The following SORCS2 variants were observed in gnomAD, a reference collection of about 807,000 sequenced individuals.
SORCS2 encodes sortilin related VPS10 domain containing receptor 2, also known as VPS10 domain-containing receptor SorCS2.
Under a neutral mutation model 141.6 loss-of-function variants are expected in SORCS2, and 100 were observed. The ratio of observed to expected loss-of-function variants is 0.71; its 90% CI spans 0.60 to 0.83. The LOEUF (loss-of-function observed/expected upper bound fraction) is 0.83, where lower values mean the gene tolerates loss of function less well. Ranked by LOEUF, SORCS2 falls within the 40% of genes least tolerant of loss-of-function variation. The pLI is 0.00. For synonymous variants in SORCS2, 789 were observed against 676.9 expected (o/e 1.17, Z -2.57); for missense variants, 1,646 against 1,560.2 (o/e 1.05, Z -0.93).
intron 2 of SORCS2, among the ~76,000 whole-genome samples, chr4:7,403,998 T>TATATATATATATATATATATATA (rs59841056): frequency 1.6e-4 from 2 of 12,372 alleles, no homozygotes; most frequent in Non-Finnish European, 3.3e-4. Flanking sequence ...TATATATATA[T>TATATATATATATATATATATATA]TTTTTTTTTT....
chr4:7,533,347 T>C (rs1329188191), intron 3 of SORCS2, among the ~76,000 whole-genome samples: 4 of 152,092 alleles, frequency 2.6e-5, no homozygotes, highest in Non-Finnish European at 5.9e-5. Context: ...TGATTCAAAT[T>C]TGAGACAAAG....
intron 8 of SORCS2, among the ~76,000 whole-genome samples, chr4:7,673,963 A>T (rs761436466): frequency 1.3e-5 from 2 of 152,204 alleles, no homozygotes; most frequent in Non-Finnish European, 2.9e-5. Context: ...CAGCAGAATG[A>T]CCAACGCCCG....
chr4:7,682,636 A>G (rs1489786103), intron 9 of SORCS2, 107 bp from the exon 10 acceptor site: 1 of 1,092,494 alleles, frequency 9.2e-7, no homozygotes, highest in African/African-American at 1.6e-5. Context: ...CTGTGAAATG[A>G]GGCCACATGT....
rs151068861 is a variant in SORCS2, at chr4:7,214,017, C to T, written c.480+20891C>T. Among the ~76,000 whole-genome samples, 85 of 152,282 alleles carry T rather than the reference C, an allele frequency of 5.6e-4. 2 individuals carry two copies. In the East Asian group the frequency reaches 0.015, roughly 27 times the overall value. Reference sequence around the variant, plus strand: ...GGGAGTGTTTGTTTTTGTGCCTTTGCCTCCAGCCTCCAGGTCTGGGGTGTC... The same window carrying T: ...GGGAGTGTTTGTTTTTGTGCCTTTGTCTCCAGCCTCCAGGTCTGGGGTGTC... On this transcript the variant is annotated intron_variant, in intron 1 of 26. Transcript: ENST00000507866.
At chr4:7,486,506 C>T (rs1439569605) in intron 2 of SORCS2, among the ~76,000 whole-genome samples, 1 of 152,150 alleles carries the variant, frequency 6.6e-6, no homozygotes, top group Non-Finnish European at 1.5e-5. Flanking sequence ...CCTGCGGGAC[C>T]CGAGGCTGAG....
At chr4:7,543,747 T>C (rs1316364586) in intron 3 of SORCS2, among the ~76,000 whole-genome samples, 3 of 65,996 alleles carry the variant, frequency 4.5e-5, no homozygotes, top group African/African-American at 5.9e-5. Flanking sequence ...CATCCACCCA[T>C]CCACCCATCC....
chr4:7,697,388 A>G lies in SORCS2; in HGVS notation c.1668+114A>G, dbSNP rs1724781242. On this transcript the variant is annotated intron_variant, in intron 12 of 26. Transcript: ENST00000507866. The stretch of plus-strand genomic sequence containing the variant: ...CAGAGGCTCTGTGGGAGAAGCTCTG[A>G]GCCATGTCTCCCATCTTGCAGCCAA... 2.0e-5 allele frequency: 18 copies of G among 909,120 alleles called. No homozygotes were observed. In the South Asian group the frequency reaches 3.1e-4, roughly 16 times the overall value. 56.3% of individuals were successfully genotyped at this position (909,120 alleles called of 1,614,324 possible).
chr4:7,494,146 A>G (rs961397868), intron 2 of SORCS2, among the ~76,000 whole-genome samples: 1 of 152,226 alleles, frequency 6.6e-6, no homozygotes, highest in African/African-American at 2.4e-5. Flanking sequence ...TTCCGAATAT[A>G]GTTCGTATCT....
chr4:7,566,406 T>G (rs1368034176), intron 3 of SORCS2, among the ~76,000 whole-genome samples: 1 of 152,174 alleles, frequency 6.6e-6, no homozygotes, highest in Admixed American at 6.5e-5. Flanking sequence ...GACGGATTGA[T>G]GATGAAGATA....
rs748838480 is a variant in SORCS2, at chr4:7,654,094, C to T, written c.814-40C>T. The T allele has an allele frequency of 4.7e-5, 72 of 1,527,958 alleles. No homozygotes were observed. The Middle Eastern group carries it at 3.4e-3, about 71-fold the overall frequency. The allele number at this position is 1,527,958 out of a possible 1,614,324, so 94.7% of individuals were successfully genotyped here. ...TCTCTCAGAAGCAGCTTATTCCTGA[C>T]GTCCTGACCAAGCTTTTGTTTCTTT... is the stretch of plus-strand genomic sequence containing the variant. On this transcript the variant is annotated intron_variant, in intron 4 of 26. Transcript: ENST00000507866.
chr4:7,624,817 C>G (rs1424714771), intron 3 of SORCS2, among the ~76,000 whole-genome samples: 3 of 152,250 alleles, frequency 2.0e-5, no homozygotes, highest in African/African-American at 7.2e-5. Context: ...AAAATGTCCT[C>G]AGACAGGCAA....
intron 1 of SORCS2, among the ~76,000 whole-genome samples, chr4:7,266,385 C>T (rs576227573): frequency 2.6e-5 from 4 of 152,172 alleles, no homozygotes; most frequent in African/African-American, 9.7e-5. Flanking sequence ...AGGGCTGAAG[C>T]GCCCCTCATT....
intron 1 of SORCS2, among the ~76,000 whole-genome samples, chr4:7,390,793 G>C (rs953940249): frequency 7.2e-5 from 11 of 152,176 alleles, no homozygotes; most frequent in African/African-American, 2.7e-4. Flanking sequence ...TTATGAAAAT[G>C]GTCTTTTAGA....
At chr4:7,496,708 G>T (rs1731652331) in intron 2 of SORCS2, among the ~76,000 whole-genome samples, 1 of 152,024 alleles carries the variant, frequency 6.6e-6, no homozygotes, top group Admixed American at 6.6e-5. Flanking sequence ...ATCTGAAAAG[G>T]CCAAAGCTAC....
chr4:7,218,613 T>G (rs1238537517), intron 1 of SORCS2, among the ~76,000 whole-genome samples: 2 of 152,198 alleles, frequency 1.3e-5, no homozygotes, highest in Admixed American at 1.3e-4. Context: ...AACAGGACAT[T>G]GGGGATGTGA....
At chr4:7,707,793 A>G (rs2109025372) in intron 14 of SORCS2, among the ~76,000 whole-genome samples, 1 of 152,312 alleles carries the variant, frequency 6.6e-6, no homozygotes, top group East Asian at 1.9e-4. Flanking sequence ...TGAGGATGAC[A>G]CAGGGGTGGA....
intron 2 of SORCS2, among the ~76,000 whole-genome samples, chr4:7,487,390 T>A (rs1489795710): frequency 6.6e-6 from 1 of 152,218 alleles, no homozygotes; most frequent in African/African-American, 2.4e-5. Flanking sequence ...TGTGACTCCC[T>A]GTTGGGGAGT....
At chr4:7,632,824 T>G (rs1432648098) in intron 3 of SORCS2, among the ~76,000 whole-genome samples, 2 of 151,790 alleles carry the variant, frequency 1.3e-5, no homozygotes, top group African/African-American at 2.4e-5. Flanking sequence ...AAGAGGACCC[T>G]AGGGCCACCA....
chr4:7,531,554 C>T lies in SORCS2; in HGVS notation c.573C>T (p.Tyr191=), dbSNP rs775719651. The T allele has an allele frequency of 3.1e-6, 5 of 1,613,920 alleles. No homozygotes were observed. Among genetic ancestry groups the T allele is most frequent in the Admixed American group, 3.3e-5 (2 of 60,028 alleles). Residue 191 remains tyrosine, a synonymous_variant, in exon 3 of 27, where the codon TAC becomes TAT. Transcript: ENST00000507866. Reference sequence around the variant, plus strand: ...GGTCATCAGATTTCGGGACGTCCTACACCAAGCTCACCCTCCAGCCTGGTG... The same window carrying T: ...GGTCATCAGATTTCGGGACGTCCTATACCAAGCTCACCCTCCAGCCTGGTG... ...LWRSSDFGTS[Y]TKLTLQPGVT...
Sources: gnomAD v4.1 joint callset for allele counts (sites outside exome capture counted in the v4.1 genomes callset) on GRCh38, gnomAD v4.1.1 for gene constraint, MANE v1.5 for transcripts, NCBI Gene and HGNC (gene_info 2026-07-23, HGNC 2026-07-21) for gene names.